LGSN: variants seen among roughly 807,000 people sequenced by gnomAD.
LGSN encodes lengsin.
Under a neutral mutation model 19.5 loss-of-function variants are expected in LGSN, and 21 were observed. That is an observed-to-expected ratio of 1.07 (90% CI 0.76 to 1.55). The LOEUF (loss-of-function observed/expected upper bound fraction) is 1.55, where lower values mean the gene tolerates loss of function less well. LGSN is among the 40% of genes most tolerant of loss of function. The pLI is 0.00. For missense variants in LGSN, 673 were observed against 608.5 expected (o/e 1.11, Z -1.12); for synonymous variants, 257 against 215.6 (o/e 1.19, Z -1.68).
At chr6:63,412,558 GAAA>G in the LGSN span, among the ~76,000 whole-genome samples, 6 of 122,946 alleles carry the variant, frequency 4.9e-5, no homozygotes, top group African/African-American at 1.0e-4. Flanking sequence ...AAGAAAGAAA[GAAA>G]GAAAGAAAGG....
At chr6:63,282,759 C>T (rs1205010509) in intron 3 of LGSN, among the ~76,000 whole-genome samples, 6 of 152,104 alleles carry the variant, frequency 3.9e-5, no homozygotes, top group Non-Finnish European at 7.4e-5. Flanking sequence ...GCCTAATTTT[C>T]CAGCTCACTC....
chr6:63,401,112 C>A, the LGSN span, among the ~76,000 whole-genome samples: 1 of 152,218 alleles, frequency 6.6e-6, no homozygotes, highest in East Asian at 1.9e-4. Flanking sequence ...ATACCTATGT[C>A]CTTCTTATGC....
chr6:63,285,164 G>A (rs1363334205), intron 3 of LGSN, among the ~76,000 whole-genome samples: 1 of 152,102 alleles, frequency 6.6e-6, no homozygotes, highest in Non-Finnish European at 1.5e-5. Flanking sequence ...GAGCTGAAAG[G>A]AATACATTTT....
the LGSN span, among the ~76,000 whole-genome samples, chr6:63,540,491 C>A: frequency 6.6e-6 from 1 of 151,852 alleles, no homozygotes; most frequent in African/African-American, 2.4e-5. Context: ...TGTGGTGGTG[C>A]ATGCCTGTAA....
At chr6:63,393,895 C>G in the LGSN span, among the ~76,000 whole-genome samples, 1 of 152,160 alleles carries the variant, frequency 6.6e-6, no homozygotes, top group South Asian at 2.1e-4. Context: ...GGGCTGCATT[C>G]CCACGAGGTT....
chr6:63,290,010 A>G (rs145354009), intron 2 of LGSN, among the ~76,000 whole-genome samples: 273 of 152,216 alleles, frequency 1.8e-3, no homozygotes, highest in African/African-American at 6.0e-3. Context: ...CAAAGCAGGG[A>G]AAAAAAGCAA....
At chr6:63,538,828 C>A in the LGSN span, among the ~76,000 whole-genome samples, 1 of 152,102 alleles carries the variant, frequency 6.6e-6, no homozygotes, top group Non-Finnish European at 1.5e-5. Flanking sequence ...CTAACAAGTT[C>A]TTTGGTGATG....
At chr6:63,295,817 C>T (rs146659436) in intron 1 of LGSN, among the ~76,000 whole-genome samples, 3 of 151,980 alleles carry the variant, frequency 2.0e-5, no homozygotes, top group East Asian at 3.9e-4. Context: ...CCTGCAGTCC[C>T]AAGACACAAA....
chr6:63,301,688 G>A (rs1172391416), intron 1 of LGSN, among the ~76,000 whole-genome samples: 1 of 152,088 alleles, frequency 6.6e-6, no homozygotes, highest in Non-Finnish European at 1.5e-5. Flanking sequence ...TTTCTCCTTT[G>A]AATAAGAATT....
At chr6:63,526,803 G>GTGTATA in the LGSN span, among the ~76,000 whole-genome samples, 4 of 101,448 alleles carry the variant, frequency 3.9e-5, no homozygotes, top group South Asian at 3.5e-4. Context: ...TCTCAAAAAT[G>GTGTATA]TATATATATA....
chr6:63,326,487 C>T, the LGSN span, among the ~76,000 whole-genome samples: 1 of 152,190 alleles, frequency 6.6e-6, no homozygotes, highest in Non-Finnish European at 1.5e-5. Flanking sequence ...GGACTGGGCA[C>T]TGTGGAGCAG....
chr6:63,489,967 C>A, the LGSN span, among the ~76,000 whole-genome samples: 1 of 152,172 alleles, frequency 6.6e-6, no homozygotes, highest in East Asian at 1.9e-4. Flanking sequence ...GCCTCAGCCT[C>A]CCAAAGTGCT....
the LGSN span, among the ~76,000 whole-genome samples, chr6:63,540,346 C>G: frequency 6.6e-6 from 1 of 152,072 alleles, no homozygotes; most frequent in Admixed American, 6.5e-5. Context: ...AAAATCCAGG[C>G]ACAATGGGTC....
At chr6:63,361,916 C>A in the LGSN span, among the ~76,000 whole-genome samples, 36 of 152,252 alleles carry the variant, frequency 2.4e-4, no homozygotes, top group African/African-American at 8.4e-4. Flanking sequence ...ATTATTTAAA[C>A]AATAAATATT....
chr6:63,460,344 A>G, the LGSN span, among the ~76,000 whole-genome samples: 1 of 151,914 alleles, frequency 6.6e-6, no homozygotes, highest in African/African-American at 2.4e-5. Context: ...GTGATGCCCA[A>G]AAACACACCA....
At chr6:63,353,427 C>T in the LGSN span, among the ~76,000 whole-genome samples, 2 of 152,072 alleles carry the variant, frequency 1.3e-5, no homozygotes, top group Non-Finnish European at 2.9e-5. Flanking sequence ...GTTTAAGACT[C>T]TCCCTACCAG....
chr6:63,285,936 C>A (rs1767519612), intron 2 of LGSN, among the ~76,000 whole-genome samples, 183 bp from the exon 3 acceptor site: 1 of 152,256 alleles, frequency 6.6e-6, no homozygotes. Flanking sequence ...CCCAAGAACA[C>A]TGTGTCTAAA....
At chr6:63,281,268 A>G (rs759447241) in intron 3 of LGSN, 48 bp from the exon 4 acceptor site, 4 of 1,360,980 alleles carry the variant, frequency 2.9e-6, no homozygotes, top group Non-Finnish European at 2.9e-6. Flanking sequence ...AACAAACAAA[A>G]GGGTCGGGGG....
At chr6:63,518,084 G>A in the LGSN span, among the ~76,000 whole-genome samples, 60 of 151,328 alleles carry the variant, frequency 4.0e-4, no homozygotes, top group African/African-American at 1.2e-3. Context: ...CCCGGGAGGC[G>A]GAGGTTGCTG....
Sources: gnomAD v4.1 joint callset for allele counts (sites outside exome capture counted in the v4.1 genomes callset) on GRCh38, gnomAD v4.1.1 for gene constraint, MANE v1.5 for transcripts, NCBI Gene and HGNC (gene_info 2026-07-23, HGNC 2026-07-21) for gene names.